Variants in RECK observed in about 807,000 individuals in gnomAD.
RECK encodes the protein reversion-inducing cysteine-rich protein with Kazal motifs.
In RECK, 69 loss-of-function variants were observed where a neutral mutation model predicts 115.1. The observed-to-expected ratio is 0.60, with a 90% confidence interval of 0.49 to 0.73. The LOEUF (loss-of-function observed/expected upper bound fraction) is 0.73. RECK is among the 30% of genes least tolerant of loss of function. The pLI, the probability that RECK is intolerant of heterozygous loss-of-function variation, is 0.00. For missense variants in RECK, 1,047 were observed against 1,203.7 expected, an observed-to-expected ratio of 0.87 and a Z score of 1.93; for synonymous variants, 414 against 419.7, an observed-to-expected ratio of 0.99 and a Z score of 0.17.
chr9:36,042,418 T>A (rs930857263), intron 1 of RECK, among the ~76,000 whole-genome samples: 1 of 141,334 alleles, frequency 7.1e-6, no homozygotes, highest in African/African-American at 2.7e-5. Context: ...TGAGTAGTAT[T>A]CCATAGTGTG....
At position 36,100,482 on chromosome 9, in the gene RECK, A is replaced by G. The variant is rs146471055; in HGVS notation, c.1237A>G (p.Ile413Val). 1.7e-5 allele frequency: 27 copies of G among 1,614,072 alleles called. No individual in the cohort carries two copies. In the African/African-American group the frequency reaches 2.5e-4, roughly 15 times the overall value. Reference sequence around the variant, plus strand: ...GTGCCAGCCAGAGATGTGGAAAGCAATAGCTTGTTCACTGCAGATTAAACC... The same window carrying G: ...GTGCCAGCCAGAGATGTGGAAAGCAGTAGCTTGTTCACTGCAGATTAAACC... ...KKCQPEMWKA[I>V]ACSLQIKPCH... The change falls in exon 11 of 21, where the codon ATA becomes GTA. Residue 413 changes from isoleucine to valine, a missense_variant. Physicochemically the swap from Ile to Val is conservative, Grantham distance 29. Coordinates refer to ENST00000377966, the MANE Select transcript of RECK (RefSeq NM_021111.3).
At chr9:36,059,161 A>G (rs1821658361) in intron 3 of RECK, among the ~76,000 whole-genome samples, 1 of 152,210 alleles carries the variant, frequency 6.6e-6, no homozygotes, top group Non-Finnish European at 1.5e-5. Context: ...ATTTCATTAT[A>G]GTATTTTATC....
chr9:36,102,125 G>A lies in RECK; in HGVS notation c.1330G>A (p.Gly444Arg), dbSNP rs1385132648. 2.5e-6 allele frequency: 4 copies of A among 1,613,122 alleles called. No individual in the cohort carries two copies. Among genetic ancestry groups the A allele is most frequent in the Non-Finnish European group, 3.4e-6 (4 of 1,179,622 alleles). ...TTGTGTGGAGATTCTTAAAAAATGT[G>A]GAGACCAGAACAAATTCCCTGAAGA... ...SDCVEILKKC[G>R]DQNKFPEDHT... is the part of the protein sequence containing the mutation. The change falls in exon 12 of 21, where the codon GGA becomes AGA. Residue 444 changes from glycine (G) to arginine (R), a missense_variant. Transcript: ENST00000377966.
intron 6 of RECK, among the ~76,000 whole-genome samples, chr9:36,077,262 T>C (rs1333799518): frequency 1.3e-5 from 2 of 152,058 alleles, no homozygotes; most frequent in Non-Finnish European, 2.9e-5. Context: ...AAAGTTACCT[T>C]TCAAAAGTCA....
intron 8 of RECK, 122 bp from the exon 9 acceptor site, chr9:36,087,572 A>G: frequency 3.2e-6 from 3 of 950,342 alleles, no homozygotes; most frequent in East Asian, 5.3e-5. Context: ...GCAAACCACC[A>G]TGGCATGTGT....
chr9:36,078,190 T>C (rs1322739312), intron 6 of RECK, among the ~76,000 whole-genome samples: 1 of 152,262 alleles, frequency 6.6e-6, no homozygotes. Context: ...CTGTTGTGAG[T>C]AAAAGCTATT....
chr9:36,087,876 G>A lies in RECK; in HGVS notation c.820G>A (p.Gly274Arg). Residue 274 changes from glycine (G) to arginine (R), a missense_variant, in exon 9 of 21, where the codon GGA (glycine) becomes AGA (arginine). Physicochemically the swap from Gly to Arg is moderately radical, Grantham distance 125. Transcript: ENST00000377966. ...FLESSQSVHP[G>R]VTVHPPPSTG... is the part of the protein sequence containing the mutation. ...TGAAAGCTCACAATCTGTTCACCCT[G>A]GAGTCACTGTACACCCTCCTCCCTC... The A allele has an allele frequency of 6.2e-7, 1 of 1,613,824 alleles. No individual in the cohort carries two copies. The highest frequency in any genetic ancestry group is 8.5e-7 in the Non-Finnish European group (1 of 1,179,786).
chr9:36,086,420 G>A lies in RECK; in HGVS notation c.638-1274G>A, dbSNP rs1032092461. Among the ~76,000 whole-genome samples the A allele has an allele frequency of 2.6e-5, 4 of 151,780 alleles. 1 individual carries two copies. The highest frequency in any genetic ancestry group is 5.9e-5 in the Non-Finnish European group (4 of 67,954). On this transcript the variant is annotated intron_variant, in intron 8 of 20. Transcript: ENST00000377966. ...GTTGTTTGTTCCTCCCAGTGGGTTC[G>A]TGGTCTCGCTGACTTCAGGAGTGAA...
chr9:36,038,002 TAAA>T (rs370999682), intron 1 of RECK, among the ~76,000 whole-genome samples: 5 of 112,502 alleles, frequency 4.4e-5, no homozygotes, highest in Admixed American at 9.5e-5. Context: ...AGAGACACCT[TAAA>T]AAAAAAAAAA....
intron 1 of RECK, among the ~76,000 whole-genome samples, chr9:36,045,208 CTG>C (rs1202413529): frequency 6.6e-6 from 1 of 152,132 alleles, no homozygotes; most frequent in Non-Finnish European, 1.5e-5. Flanking sequence ...CCTTGGCTGA[CTG>C]TATACTTTAT....
chr9:36,095,727 A>G (rs1338584168), intron 10 of RECK, among the ~76,000 whole-genome samples: 2 of 151,788 alleles, frequency 1.3e-5, no homozygotes, highest in East Asian at 1.9e-4. Flanking sequence ...GCCTGAGCTC[A>G]GGAGTTTGAG....
intron 6 of RECK, among the ~76,000 whole-genome samples, chr9:36,074,278 G>C (rs1183734604): frequency 1.3e-5 from 2 of 152,150 alleles, no homozygotes; most frequent in Non-Finnish European, 2.9e-5. Flanking sequence ...TCCTGGGACA[G>C]AGTTCATATA....
intron 1 of RECK, among the ~76,000 whole-genome samples, chr9:36,044,039 AT>A (rs972334655): frequency 2.1e-4 from 32 of 152,108 alleles, no homozygotes; most frequent in African/African-American, 7.7e-4. Context: ...ATTGCATTGA[AT>A]TTGTCTATTG....
intron 2 of RECK, among the ~76,000 whole-genome samples, chr9:36,056,218 T>G (rs1821517981): frequency 6.6e-6 from 1 of 150,890 alleles, no homozygotes; most frequent in South Asian, 2.1e-4. Context: ...AGCTTCAGTT[T>G]GGAGCTACAA....
At chr9:36,038,174 A>G (rs1457568278) in intron 1 of RECK, among the ~76,000 whole-genome samples, 1 of 151,914 alleles carries the variant, frequency 6.6e-6, no homozygotes, top group African/African-American at 2.4e-5. Flanking sequence ...TTAGCCGGGC[A>G]TGGTGGTGTA....
At position 36,120,710 on chromosome 9, in the gene RECK, A is replaced by G; in HGVS notation, c.2512A>G (p.Lys838Glu). ...TGGGATGTTAAGAGTTTTATTTGAC[A>G]AAGAAAAACTGGATACTATTGCTAA... ...CAGMLRVLFD[K>E]EKLDTIAKVT... The change falls in exon 19 of 21, where the codon AAA (lysine) becomes GAA (glutamate). Residue 838 changes from lysine (K) to glutamate (E), a missense_variant. By Grantham distance (56) the Lys-to-Glu change is moderately conservative. Coordinates refer to ENST00000377966, the MANE Select transcript of RECK (RefSeq NM_021111.3). 4 of 1,612,872 alleles carry G rather than the reference A, an allele frequency of 2.5e-6. No individual in the cohort carries two copies. The highest frequency in any genetic ancestry group is 3.4e-6 in the Non-Finnish European group (4 of 1,178,810).
rs763186487 is a variant in RECK, at chr9:36,083,431, T to A, written c.506T>A (p.Phe169Tyr). ...TGCCGAGAATACTGTCAAGCCATTT[T>A]TCGAACAGACTCTTCTCCTGGTCCA... ...TNCREYCQAI[F>Y]RTDSSPGPSQ... Residue 169 changes from phenylalanine (F) to tyrosine (Y), a missense_variant, in exon 8 of 21, where the codon TTT becomes TAT. Coordinates refer to ENST00000377966, the MANE Select transcript of RECK (RefSeq NM_021111.3). 7 of 1,614,104 alleles carry A rather than the reference T, an allele frequency of 4.3e-6. No individual in the cohort carries two copies. The South Asian group carries it at 7.7e-5, about 18-fold the overall frequency.
At chr9:36,097,338 A>G (rs983382769) in intron 10 of RECK, among the ~76,000 whole-genome samples, 1 of 151,896 alleles carries the variant, frequency 6.6e-6, no homozygotes, top group African/African-American at 2.4e-5. Context: ...AAAAAAAAAA[A>G]AAAAAAGAAA....
At chr9:36,042,423 A>AGTGTGTGTGTGTGTGTGTGTGT (rs35193636) in intron 1 of RECK, among the ~76,000 whole-genome samples, 6 of 144,364 alleles carry the variant, frequency 4.2e-5, no homozygotes, top group Admixed American at 6.9e-5. Flanking sequence ...AGTATTCCAT[A>AGTGTGTGTGTGTGTGTGTGTGT]GTGTGTGTGT....
Sources: allele counts gnomAD v4.1 joint callset (sites outside exome capture counted in the v4.1 genomes callset), GRCh38; gene constraint gnomAD v4.1.1; transcripts MANE v1.5; gene names NCBI Gene and HGNC (gene_info 2026-07-23, HGNC 2026-07-21).